FBXL7: variants seen among roughly 807,000 people sequenced by gnomAD.
FBXL7 encodes F-box/LRR-repeat protein 7.
A neutral mutation model predicts 38.3 loss-of-function variants in FBXL7; 12 were observed. The ratio of observed to expected loss-of-function variants is 0.31; its 90% confidence interval spans 0.20 to 0.51. The LOEUF (loss-of-function observed/expected upper bound fraction) is 0.51, where lower values mean the gene tolerates loss of function less well. FBXL7 is among the 20% of genes least tolerant of loss of function. FBXL7 has a pLI of 0.98. For synonymous variants in FBXL7, 297 were observed against 300.9 expected (o/e 0.99, Z 0.13); for missense variants, 567 against 676.4 (o/e 0.84, Z 1.79).
chr5:15,654,787 C>A (rs1040726278), intron 2 of FBXL7, among the ~76,000 whole-genome samples: 3 of 152,018 alleles, frequency 2.0e-5, no homozygotes, highest in African/African-American at 7.3e-5. Context: ...ATGAGTGGGG[C>A]TAAAATTTTA....
chr5:15,903,215 A>T (rs1741273909), intron 2 of FBXL7, among the ~76,000 whole-genome samples: 2 of 152,094 alleles, frequency 1.3e-5, no homozygotes, highest in Admixed American at 1.3e-4. Flanking sequence ...AAAAGATCAG[A>T]CTCTCAACTC....
intron 1 of FBXL7, among the ~76,000 whole-genome samples, chr5:15,605,844 T>C (rs1301580180): frequency 6.6e-6 from 1 of 152,166 alleles, no homozygotes; most frequent in Admixed American, 6.5e-5. Context: ...ATGGCGCAAA[T>C]GCTAAAATAT....
At chr5:15,864,381 G>A (rs980983525) in intron 2 of FBXL7, among the ~76,000 whole-genome samples, 1 of 149,688 alleles carries the variant, frequency 6.7e-6, no homozygotes, top group Non-Finnish European at 1.5e-5. Context: ...GTACTTGGTG[G>A]TCATTAGAAT....
At chr5:15,678,596 T>C (rs1294080702) in intron 2 of FBXL7, among the ~76,000 whole-genome samples, 1 of 152,198 alleles carries the variant, frequency 6.6e-6, no homozygotes, top group East Asian at 1.9e-4. Context: ...CATCTTGAAT[T>C]GTAGCTCCTA....
chr5:15,715,163 T>C (rs1382857878), intron 2 of FBXL7, among the ~76,000 whole-genome samples: 1 of 152,034 alleles, frequency 6.6e-6, no homozygotes, highest in Non-Finnish European at 1.5e-5. Flanking sequence ...ACTATATATA[T>C]TTTACAGGAA....
intron 2 of FBXL7, among the ~76,000 whole-genome samples, chr5:15,822,708 T>C (rs769697156): frequency 2.0e-5 from 3 of 150,604 alleles, no homozygotes; most frequent in Non-Finnish European, 4.4e-5. Context: ...GCAGGTACCA[T>C]GCACTGTTCT....
chr5:15,546,440 G>A (rs1292045491), intron 1 of FBXL7, among the ~76,000 whole-genome samples: 11 of 152,320 alleles, frequency 7.2e-5, no homozygotes, highest in South Asian at 2.1e-4. Context: ...GGTGGCGGGC[G>A]CCTGTAATCC....
intron 2 of FBXL7, among the ~76,000 whole-genome samples, chr5:15,633,397 A>G (rs575625552): frequency 1.3e-5 from 2 of 152,264 alleles, no homozygotes; most frequent in Middle Eastern, 3.4e-3. Flanking sequence ...TCTATTTCCC[A>G]TCCCTGATAC....
chr5:15,736,899 T>A (rs1735772282), intron 2 of FBXL7, among the ~76,000 whole-genome samples: 2 of 152,162 alleles, frequency 1.3e-5, no homozygotes, highest in African/African-American at 4.8e-5. Context: ...GGACCTAGAA[T>A]TATCATAATA....
intron 2 of FBXL7, among the ~76,000 whole-genome samples, chr5:15,675,855 C>T (rs1742638055): frequency 6.6e-6 from 1 of 152,192 alleles, no homozygotes; most frequent in Non-Finnish European, 1.5e-5. Flanking sequence ...TGTGTTATTC[C>T]TTAATTATTT....
intron 1 of FBXL7, among the ~76,000 whole-genome samples, chr5:15,559,565 C>T (rs2126435023): frequency 6.6e-6 from 1 of 152,268 alleles, no homozygotes; most frequent in Non-Finnish European, 1.5e-5. Context: ...TATAGAAGAC[C>T]ATTTTCACTA....
At chr5:15,572,122 G>A (rs184462993) in intron 1 of FBXL7, among the ~76,000 whole-genome samples, 1 of 152,112 alleles carries the variant, frequency 6.6e-6, no homozygotes, top group Non-Finnish European at 1.5e-5. Flanking sequence ...GGGTATCAGA[G>A]CTCCTGGGTC....
At chr5:15,749,244 C>CAAAAAAAAA (rs70938027) in intron 2 of FBXL7, among the ~76,000 whole-genome samples, 1 of 70,102 alleles carries the variant, frequency 1.4e-5, no homozygotes, top group African/African-American at 6.2e-5. Flanking sequence ...GACTCTGTCT[C>CAAAAAAAAA]AAAAAAAAAA....
rs1579378118 is a variant in FBXL7 at position 15,687,251 on chromosome 5, T to C, written c.127+71179T>C. Among the ~76,000 whole-genome samples, 4 of 152,394 alleles carry C rather than the reference T, an allele frequency of 2.6e-5. No homozygotes were observed. The South Asian group carries it at 8.3e-4, about 32-fold the overall frequency. On this transcript the variant is annotated intron_variant, in intron 2 of 3. Coordinates refer to ENST00000504595, the MANE Select transcript of FBXL7 (RefSeq NM_012304.5). ...CGTCAGAAATCCACATGGCTGATTG[T>C]AATTCAAAAGCCCTGAGAATAACTA... is the stretch of plus-strand genomic sequence containing the variant.
intron 2 of FBXL7, among the ~76,000 whole-genome samples, chr5:15,699,695 T>A (rs1743463003): frequency 6.6e-6 from 1 of 152,090 alleles, no homozygotes; most frequent in African/African-American, 2.4e-5. Flanking sequence ...TTTCTACAGG[T>A]CTCTTAGGAA....
chr5:15,848,616 G>T (rs545364958), intron 2 of FBXL7, among the ~76,000 whole-genome samples: 1 of 152,224 alleles, frequency 6.6e-6, no homozygotes, highest in Admixed American at 6.5e-5. Context: ...TCCTGACCTC[G>T]TGATCTGCCT....
At chr5:15,844,649 C>T (rs1471665515) in intron 2 of FBXL7, among the ~76,000 whole-genome samples, 1 of 152,176 alleles carries the variant, frequency 6.6e-6, no homozygotes, top group Non-Finnish European at 1.5e-5. Context: ...TCTTACCCCT[C>T]TGGAGAGCAT....
chr5:15,691,413 C>G (rs1223211611), intron 2 of FBXL7, among the ~76,000 whole-genome samples: 1 of 152,230 alleles, frequency 6.6e-6, no homozygotes, highest in Admixed American at 6.5e-5. Flanking sequence ...TCCGGTTGCT[C>G]TTCCAAGCCT....
At chr5:15,554,415 C>T (rs1344443748) in intron 1 of FBXL7, among the ~76,000 whole-genome samples, 2 of 152,182 alleles carry the variant, frequency 1.3e-5, no homozygotes, top group Admixed American at 1.3e-4. Flanking sequence ...TGTAAACACT[C>T]CTTATTTGCC....
Sources: gnomAD v4.1 joint callset for allele counts (sites outside exome capture counted in the v4.1 genomes callset) on GRCh38, gnomAD v4.1.1 for gene constraint, MANE v1.5 for transcripts, NCBI Gene and HGNC (gene_info 2026-07-23, HGNC 2026-07-21) for gene names.